Variants in ANKRD11 observed in about 807,000 individuals in gnomAD.
ANKRD11 encodes the protein ankyrin repeat domain-containing protein 11.
In ANKRD11, 17 loss-of-function variants were observed where a neutral mutation model predicts 195.7. The ratio of observed to expected loss-of-function variants is 0.09; its 90% CI spans 0.06 to 0.13. The LOEUF (loss-of-function observed/expected upper bound fraction) is 0.13, where lower values mean the gene tolerates loss of function less well. Among genes scored for constraint, ANKRD11 ranks in the 10% least tolerant of loss-of-function variants. The pLI, the probability that ANKRD11 is intolerant of heterozygous loss-of-function variation, is 1.00. For missense variants in ANKRD11, 3,735 were observed against 3,566.1 expected (o/e 1.05, Z -1.21); for synonymous variants, 1,953 against 1,528.1 (o/e 1.28, Z -6.49).
chr16:89,474,294 G>C (rs146617847), intron 1 of ANKRD11, among the ~76,000 whole-genome samples: 1 of 151,998 alleles, frequency 6.6e-6, no homozygotes, highest in Non-Finnish European at 1.5e-5. Flanking sequence ...TAAATGTGTT[G>C]TGTGTCAATT....
rs749270925 is a variant in ANKRD11, at chr16:89,280,701, G to A, written c.5841C>T (p.Pro1947=). The part of the protein sequence containing the change: ...GPFSAVITEE[P]VEWAHPSEQA... ...GCTCGGAGGGGTGGGCCCACTCAACGGGCTCCTCGGTGATGACGGCGCTGA... is the reference window on the plus strand; with the variant it reads ...GCTCGGAGGGGTGGGCCCACTCAACAGGCTCCTCGGTGATGACGGCGCTGA... The change falls in exon 9 of 13, where the codon CCC becomes CCT. Residue 1947 remains proline, a synonymous_variant. Coordinates refer to ENST00000301030, the MANE Select transcript of ANKRD11 (RefSeq NM_013275.6). 2 of 1,613,400 alleles carry A rather than the reference G, an allele frequency of 1.2e-6. No homozygotes were observed. Among genetic ancestry groups the A allele is most frequent in the South Asian group, 1.1e-5 (1 of 91,086 alleles).
chr16:89,415,389 C>G (rs1241794403), intron 2 of ANKRD11, among the ~76,000 whole-genome samples: 2 of 150,084 alleles, frequency 1.3e-5, no homozygotes, highest in Non-Finnish European at 3.0e-5. Context: ...CTCAGCCTCC[C>G]GAGTAGCTGG....
At chr16:89,473,952 C>T (rs1337136661) in intron 1 of ANKRD11, among the ~76,000 whole-genome samples, 2 of 152,206 alleles carry the variant, frequency 1.3e-5, no homozygotes, top group African/African-American at 4.8e-5. Context: ...TTACGTAAGA[C>T]TTAGTCTACT....
chr16:89,343,601 T>C (rs1196825827), intron 2 of ANKRD11: 1 of 152,214 alleles, frequency 6.6e-6, no homozygotes, highest in African/African-American at 2.4e-5. Flanking sequence ...ATTCACCTCG[T>C]TCAGAACCTC....
intron 1 of ANKRD11, among the ~76,000 whole-genome samples, chr16:89,451,207 G>A (rs905366409): frequency 2.6e-5 from 4 of 152,168 alleles, no homozygotes; most frequent in African/African-American, 9.7e-5. Context: ...AGCCTAACAA[G>A]TGGGTCAAGT....
intron 3 of ANKRD11, 86 bp downstream of exon 3, chr16:89,316,847 C>T: frequency 4.0e-6 from 6 of 1,500,092 alleles, no homozygotes; most frequent in East Asian, 2.4e-5. Context: ...GGGCGGAGAA[C>T]AGGCCACAGG....
chr16:89,437,342 C>T (rs547495527), intron 1 of ANKRD11, among the ~76,000 whole-genome samples: 9 of 152,310 alleles, frequency 5.9e-5, no homozygotes, highest in African/African-American at 2.2e-4. Flanking sequence ...ATTGTTTGCC[C>T]CAACATCTGT....
chr16:89,312,709 C>T lies in ANKRD11; in HGVS notation c.87+4224G>A, dbSNP rs961806786. Among the ~76,000 whole-genome samples the T allele has an allele frequency of 2.0e-5, 3 of 152,346 alleles. No homozygotes were observed. The East Asian group carries it at 5.8e-4, about 29-fold the overall frequency. ...CCTCCTGTGCTCTCGCCATCAGACA[C>T]GGCCTCCTGCTCCTCCCGAAGCATG... is the stretch of plus-strand genomic sequence containing the variant. On this transcript the variant is annotated intron_variant, in intron 3 of 12. Transcript: ENST00000301030.
rs553093779 is a variant in ANKRD11 at position 89,281,701 on chromosome 16, C to A, written c.4841G>T (p.Arg1614Leu). ...RMKQMEKLRH[R>L]SGDPKLKEKA... Reference sequence around the variant, plus strand: ...CTCCTTGAGCTTGGGGTCTCCGGACCGGTGCCTCAGCTTCTCCATTTGCTT... The same window carrying A: ...CTCCTTGAGCTTGGGGTCTCCGGACAGGTGCCTCAGCTTCTCCATTTGCTT... Residue 1614 changes from arginine (R) to leucine (L), a missense_variant, in exon 9 of 13, where the codon CGG becomes CTG. Arg to Leu is a moderately radical substitution (Grantham distance 102). Coordinates refer to ENST00000301030, the MANE Select transcript of ANKRD11 (RefSeq NM_013275.6). The surrounding 1 kb of genome is among the most constrained non-coding windows in gnomAD (Gnocchi z 5.5). 76 of 1,613,990 alleles carry A rather than the reference C, an allele frequency of 4.7e-5. No homozygotes were observed. Among genetic ancestry groups the A allele is most frequent in the Non-Finnish European group, 6.4e-5 (75 of 1,180,024 alleles).
At chr16:89,448,109 C>G (rs2043888684) in intron 1 of ANKRD11, among the ~76,000 whole-genome samples, 1 of 147,396 alleles carries the variant, frequency 6.8e-6, no homozygotes, top group African/African-American at 2.4e-5. Flanking sequence ...CATCTATTCT[C>G]TCACTGAAGC....
At chr16:89,341,806 G>A (rs893746381) in intron 2 of ANKRD11, among the ~76,000 whole-genome samples, 2 of 151,536 alleles carry the variant, frequency 1.3e-5, no homozygotes, top group African/African-American at 4.9e-5. Context: ...AGTCTGGCAC[G>A]GATGGACCAG....
chr16:89,401,493 T>A (rs925920676), intron 2 of ANKRD11, among the ~76,000 whole-genome samples: 6 of 152,226 alleles, frequency 3.9e-5, no homozygotes, highest in Admixed American at 3.3e-4. Context: ...CCTTATTTTG[T>A]AAAAAGTACA....
intron 2 of ANKRD11, among the ~76,000 whole-genome samples, chr16:89,328,529 C>T (rs1257749769): frequency 6.6e-6 from 1 of 151,852 alleles, no homozygotes. Context: ...TATGGATACA[C>T]CCAAGCGTAT....
intron 1 of ANKRD11, among the ~76,000 whole-genome samples, chr16:89,462,651 T>A (rs1193507067): frequency 1.4e-5 from 2 of 147,098 alleles, no homozygotes; most frequent in African/African-American, 5.2e-5. Context: ...CGCCATCACA[T>A]CTAGGAAGTG....
intron 2 of ANKRD11, among the ~76,000 whole-genome samples, chr16:89,375,206 G>C (rs141241696): frequency 6.6e-6 from 1 of 152,034 alleles, no homozygotes; most frequent in African/African-American, 2.4e-5. Flanking sequence ...CAAGTGTGTC[G>C]GTATCCGCTT....
At chr16:89,309,102 T>A (rs1425013295) in intron 3 of ANKRD11, among the ~76,000 whole-genome samples, 1 of 152,120 alleles carries the variant, frequency 6.6e-6, no homozygotes, top group African/African-American at 2.4e-5. Flanking sequence ...CACACCACCA[T>A]GTGACGCCAC....
Position 89,285,819 on chromosome 16 carries a change from C to T in ANKRD11, c.893-170G>A, listed in dbSNP as rs947292276. 2.0e-5 allele frequency among the ~76,000 whole-genome samples: 3 copies of T among 152,240 alleles called. No homozygotes were observed. Among genetic ancestry groups the T allele is most frequent in the Non-Finnish European group, 4.4e-5 (3 of 68,036 alleles). On this transcript the variant is annotated intron_variant, in intron 8 of 12. Coordinates refer to ENST00000301030, the MANE Select transcript of ANKRD11 (RefSeq NM_013275.6). This position sits in a 1 kb window ranked among gnomAD's most constrained non-coding sequence, Gnocchi z 5.6. ...CAGCCACAGGCAGGAGGAAACCAGACAGAGCTCAGCTGACAGACAGGGCTG... is the reference window on the plus strand; with the variant it reads ...CAGCCACAGGCAGGAGGAAACCAGATAGAGCTCAGCTGACAGACAGGGCTG...
rs1046371423 is a variant in ANKRD11 at position 89,451,928 on chromosome 16, T to C, written c.-144-33560A>G. 3.9e-5 allele frequency among the ~76,000 whole-genome samples: 6 copies of C among 152,266 alleles called. No homozygotes were observed. In the East Asian group the frequency reaches 7.7e-4, roughly 20 times the overall value. On this transcript the variant is annotated intron_variant, in intron 1 of 12. Coordinates refer to ENST00000301030, the MANE Select transcript of ANKRD11 (RefSeq NM_013275.6). ...AAAATCCTAAAAAATCTTTAAAACA[T>C]GTGTCTAGACGTTCAAAATTTAACC...
intron 1 of ANKRD11, among the ~76,000 whole-genome samples, chr16:89,450,240 G>A (rs1035535729): frequency 3.3e-5 from 5 of 152,152 alleles, no homozygotes; most frequent in Non-Finnish European, 7.3e-5. Flanking sequence ...GCCAGATGCT[G>A]TCTGAAAATA....
Sources: allele counts gnomAD v4.1 joint callset (sites outside exome capture counted in the v4.1 genomes callset), GRCh38; gene constraint gnomAD v4.1.1; non-coding constraint Gnocchi (gnomAD v3.1); transcripts MANE v1.5; gene names NCBI Gene and HGNC (gene_info 2026-07-23, HGNC 2026-07-21).